DCLK1: variants seen among roughly 807,000 people sequenced by gnomAD.
DCLK1 encodes serine/threonine-protein kinase DCLK1.
A neutral mutation model predicts 86.2 loss-of-function variants in DCLK1; 16 were observed. That is an observed-to-expected ratio of 0.19 (90% CI 0.13 to 0.28). The LOEUF is 0.28. Among genes scored for constraint, DCLK1 ranks in the 10% least tolerant of loss-of-function variants. The pLI is 1.00. For synonymous variants in DCLK1, 369 were observed against 370.5 expected, an observed-to-expected ratio of 1.00 and a Z score of 0.05; for missense variants, 590 against 940.2, an observed-to-expected ratio of 0.63 and a Z score of 4.87.
chr13:35,928,432 T>C (rs1001894012), intron 4 of DCLK1, among the ~76,000 whole-genome samples: 2 of 152,130 alleles, frequency 1.3e-5, no homozygotes, highest in African/African-American at 2.4e-5. Context: ...GCTGGCTCCA[T>C]TACCCCTCAA....
At chr13:35,888,530 T>C (rs1176357778) in intron 4 of DCLK1, among the ~76,000 whole-genome samples, 5 of 37,254 alleles carry the variant, frequency 1.3e-4, no homozygotes, top group Non-Finnish European at 2.2e-4. Flanking sequence ...GCAGTACTTA[T>C]GTAAGTCCCT....
intron 3 of DCLK1, among the ~76,000 whole-genome samples, chr13:36,050,550 A>G (rs958214814): frequency 2.0e-5 from 3 of 152,192 alleles, no homozygotes; most frequent in African/African-American, 7.2e-5. Flanking sequence ...CCCAATGCCA[A>G]TTCCCTTATC....
chr13:35,844,412 T>C (rs1373303950), intron 6 of DCLK1, among the ~76,000 whole-genome samples: 1 of 152,200 alleles, frequency 6.6e-6, no homozygotes, highest in Non-Finnish European at 1.5e-5. Flanking sequence ...GTTTGTTGTA[T>C]TGGGTAGTTT....
At chr13:35,947,510 C>A in intron 3 of DCLK1, 53 bp from the exon 4 acceptor site, 1 of 1,433,720 alleles carries the variant, frequency 7.0e-7, no homozygotes, top group Non-Finnish European at 9.8e-7. Context: ...GCAATTACAA[C>A]AATGCAACCC....
At position 35,929,192 on chromosome 13, in the gene DCLK1, GT is replaced by G. The variant is rs1226634204; in HGVS notation, c.823+18165del. Among the ~76,000 whole-genome samples, 3 of 152,254 alleles carry G rather than the reference GT, an allele frequency of 2.0e-5. No individual in the cohort carries two copies. The East Asian group carries it at 5.8e-4, about 29-fold the overall frequency. On this transcript the variant is annotated intron_variant, in intron 4 of 16. Transcript: ENST00000360631. ...GATCCACCTGCCTCGGCCTCCCAAAGTTCTAAACACTTTTTAAAAAGCTTAT... is the reference window on the plus strand; with the variant it reads ...GATCCACCTGCCTCGGCCTCCCAAAGTCTAAACACTTTTTAAAAAGCTTAT...
chr13:35,846,486 A>G, intron 6 of DCLK1: 1 of 985,356 alleles, frequency 1.0e-6, no homozygotes, highest in South Asian at 4.7e-5. Flanking sequence ...ATTTATCCAT[A>G]ATCTACTAAA....
At chr13:36,016,685 T>C (rs1479984806) in intron 3 of DCLK1, among the ~76,000 whole-genome samples, 3 of 152,136 alleles carry the variant, frequency 2.0e-5, no homozygotes, top group East Asian at 3.9e-4. Context: ...CCTCGAACAA[T>C]AGAAACATAA....
At chr13:35,777,004 A>G (rs1263545990) in intron 16 of DCLK1, among the ~76,000 whole-genome samples, 1 of 152,208 alleles carries the variant, frequency 6.6e-6, no homozygotes, top group Non-Finnish European at 1.5e-5. Flanking sequence ...CCTTGTAAGA[A>G]CAATTATATT....
rs1869602770 is a variant in DCLK1, at chr13:35,839,028, T to C, written c.1120+64A>G. On this transcript the variant is annotated intron_variant, in intron 7 of 16. Coordinates refer to ENST00000360631, the MANE Select transcript of DCLK1 (RefSeq NM_001330071.2). ...TCATTCCGCTTGAGAAGCCACAGTTTCTTGGAGTAAATTTAGCCAACCCAT... is the reference window on the plus strand; with the variant it reads ...TCATTCCGCTTGAGAAGCCACAGTTCCTTGGAGTAAATTTAGCCAACCCAT... 1.2e-5 allele frequency: 18 copies of C among 1,453,220 alleles called. No individual in the cohort carries two copies. The Admixed American group carries it at 3.4e-4, about 27-fold the overall frequency. The allele number at this position is 1,453,220 out of a possible 1,614,324, so 90.0% of individuals were successfully genotyped here.
At chr13:36,067,213 G>A (rs1313832245) in intron 3 of DCLK1, among the ~76,000 whole-genome samples, 1 of 131,006 alleles carries the variant, frequency 7.6e-6, no homozygotes, top group African/African-American at 2.9e-5. Flanking sequence ...ATACACCATG[G>A]AATACTATGC....
At chr13:35,825,487 G>T (rs759735590) in intron 10 of DCLK1, among the ~76,000 whole-genome samples, 1 of 152,144 alleles carries the variant, frequency 6.6e-6, no homozygotes, top group Non-Finnish European at 1.5e-5. Flanking sequence ...CCAAGCACAC[G>T]ATTGACAGAC....
intron 3 of DCLK1, among the ~76,000 whole-genome samples, chr13:36,021,535 T>C (rs1489249461): frequency 1.3e-5 from 2 of 151,978 alleles, no homozygotes; most frequent in Non-Finnish European, 2.9e-5. Flanking sequence ...ACAAGTAGTT[T>C]GGAAGTAAAA....
Position 35,960,920 on chromosome 13 carries a change from G to C in DCLK1, c.724-13463C>G, listed in dbSNP as rs569330360. Among the ~76,000 whole-genome samples the C allele has an allele frequency of 9.2e-5, 14 of 152,318 alleles. No individual in the cohort carries two copies. In the South Asian group the frequency reaches 2.7e-3, roughly 29 times the overall value. On this transcript the variant is annotated intron_variant, in intron 3 of 16. Coordinates refer to ENST00000360631, the MANE Select transcript of DCLK1 (RefSeq NM_001330071.2). The stretch of plus-strand genomic sequence containing the variant: ...TACGATGTCATGATTGGCTCTGAAT[G>C]TCCCTAGTGGTCCAGTCCATTTATG...
At chr13:36,112,376 T>C (rs927367969) in intron 2 of DCLK1, among the ~76,000 whole-genome samples, 161 bp from the exon 3 acceptor site, 3 of 152,220 alleles carry the variant, frequency 2.0e-5, no homozygotes, top group Non-Finnish European at 4.4e-5. Context: ...GAAAGATTTC[T>C]GATTGCTAAT....
intron 3 of DCLK1, among the ~76,000 whole-genome samples, chr13:36,110,153 AT>A (rs1437329054): frequency 6.6e-6 from 1 of 152,212 alleles, no homozygotes; most frequent in Non-Finnish European, 1.5e-5. Context: ...AGAAAATTCA[AT>A]ATATGAAAAT....
At position 36,112,210 on chromosome 13, in the gene DCLK1, T is replaced by A; in HGVS notation, c.382A>T (p.Ser128Cys). Reference protein sequence around the residue: ...SSLDQLVEGESYVCGSIEPFK... With the variant: ...SSLDQLVEGECYVCGSIEPFK... Reference sequence around the variant, plus strand: ...GGCTCTATGGAGCCACATACATAACTCTCTCCTAAGGAAGAGAGAAATATA... The same window carrying A: ...GGCTCTATGGAGCCACATACATAACACTCTCCTAAGGAAGAGAGAAATATA... Residue 128 changes from serine (S) to cysteine (C), a missense_variant, in exon 3 of 17, where the codon AGT becomes TGT. Transcript: ENST00000360631. 1 of 1,574,244 alleles carries A rather than the reference T, an allele frequency of 6.4e-7. No homozygotes were observed. The highest frequency in any genetic ancestry group is 8.7e-7 in the Non-Finnish European group (1 of 1,155,602).
intron 15 of DCLK1, among the ~76,000 whole-genome samples, chr13:35,798,442 C>T (rs2086855888): frequency 6.6e-6 from 1 of 152,180 alleles, no homozygotes; most frequent in Non-Finnish European, 1.5e-5. Context: ...CAGTTTACTG[C>T]TAAAATATTC....
intron 3 of DCLK1, among the ~76,000 whole-genome samples, chr13:35,985,343 C>CCTTT (rs1313052600): frequency 6.6e-6 from 1 of 151,506 alleles, no homozygotes; most frequent in Non-Finnish European, 1.5e-5. Flanking sequence ...ACTGGCAGGC[C>CCTTT]CTTTAGAAAA....
At chr13:35,968,164 T>C (rs1392053879) in intron 3 of DCLK1, among the ~76,000 whole-genome samples, 1 of 152,178 alleles carries the variant, frequency 6.6e-6, no homozygotes, top group African/African-American at 2.4e-5. Flanking sequence ...ATTTCACTTA[T>C]ATGAGGTACC....
Sources: allele counts gnomAD v4.1 joint callset (sites outside exome capture counted in the v4.1 genomes callset), GRCh38; gene constraint gnomAD v4.1.1; transcripts MANE v1.5; gene names NCBI Gene and HGNC (gene_info 2026-07-23, HGNC 2026-07-21).